Variants in FBXO28 observed in about 807,000 individuals in gnomAD.
FBXO28 encodes the protein F-box only protein 28.
In FBXO28, 8 loss-of-function variants were observed where a neutral mutation model predicts 38.1. The observed-to-expected ratio is 0.21, with a 90% confidence interval of 0.12 to 0.38. The LOEUF (loss-of-function observed/expected upper bound fraction) is 0.38. Ranked by LOEUF, FBXO28 falls within the 10% of genes least tolerant of loss-of-function variation. The pLI, the probability that FBXO28 is intolerant of heterozygous loss-of-function variation, is 1.00. For synonymous variants in FBXO28, 168 were observed against 173.8 expected (o/e 0.97, Z 0.26); for missense variants, 345 against 460.6 (o/e 0.75, Z 2.30).
At chr1:224,153,766 C>A (rs985143257) in intron 4 of FBXO28, among the ~76,000 whole-genome samples, 2 of 151,886 alleles carry the variant, frequency 1.3e-5, no homozygotes, top group African/African-American at 2.4e-5. Flanking sequence ...ACTAAAAATA[C>A]AAAAATGTGC....
At chr1:224,143,711 C>T (rs532165914) in intron 3 of FBXO28, among the ~76,000 whole-genome samples, 1 of 152,106 alleles carries the variant, frequency 6.6e-6, no homozygotes, top group South Asian at 2.1e-4. Flanking sequence ...TGGCGGGCAC[C>T]TGTAGTCCCA....
At chr1:224,128,519 A>G (rs1656958143) in intron 1 of FBXO28, among the ~76,000 whole-genome samples, 1 of 152,122 alleles carries the variant, frequency 6.6e-6, no homozygotes, top group South Asian at 2.1e-4. Flanking sequence ...TTACCAAGTG[A>G]TTTAGTGTGT....
intron 1 of FBXO28, among the ~76,000 whole-genome samples, chr1:224,129,648 T>G (rs538335749): frequency 9.0e-4 from 137 of 152,274 alleles, no homozygotes; most frequent in Non-Finnish European, 4.3e-4. Flanking sequence ...AAATGATACT[T>G]TTTTGCCTGC....
At chr1:224,116,589 G>C (rs1397562412) in intron 1 of FBXO28, among the ~76,000 whole-genome samples, 1 of 152,178 alleles carries the variant, frequency 6.6e-6, no homozygotes, top group Non-Finnish European at 1.5e-5. Context: ...CTAAATGTCA[G>C]TTGTTAGGTA....
intron 3 of FBXO28, among the ~76,000 whole-genome samples, chr1:224,135,628 AAAAAAAAG>A (rs1657161090): frequency 7.0e-6 from 1 of 142,808 alleles, no homozygotes; most frequent in African/African-American, 2.8e-5. Context: ...AAAAAAAAAA[AAAAAAAAG>A]AAAAAGAAAA....
At chr1:224,150,819 T>G (rs577084265) in intron 3 of FBXO28, among the ~76,000 whole-genome samples, 17 of 152,324 alleles carry the variant, frequency 1.1e-4, no homozygotes, top group African/African-American at 3.8e-4. Flanking sequence ...ACTGTCACAT[T>G]ACCCTCTTTT....
chr1:224,125,637 A>G (rs796691644), intron 1 of FBXO28, among the ~76,000 whole-genome samples: 7 of 143,050 alleles, frequency 4.9e-5, no homozygotes, highest in African/African-American at 1.5e-4. Context: ...AAGGATACTC[A>G]TTCTCTTTTT....
chr1:224,119,428 T>A (rs10916320), intron 1 of FBXO28, among the ~76,000 whole-genome samples: 78,269 of 151,584 alleles, frequency 0.52, 21,215 homozygotes, highest in South Asian at 0.61. Flanking sequence ...TGAGCCACCG[T>A]GCCCGGCCCC....
At chr1:224,121,035 ACATTTTACAAGAC>A (rs1656760110) in intron 1 of FBXO28, among the ~76,000 whole-genome samples, 1 of 152,098 alleles carries the variant, frequency 6.6e-6, no homozygotes, top group Non-Finnish European at 1.5e-5. Context: ...AATGTCTTTA[ACATTTTACAAGAC>A]CATTTTAAGA....
At chr1:224,127,413 T>C (rs1656933121) in intron 1 of FBXO28, among the ~76,000 whole-genome samples, 1 of 152,126 alleles carries the variant, frequency 6.6e-6, no homozygotes, top group African/African-American at 2.4e-5. Flanking sequence ...TGTGTTCTGT[T>C]AAACCACATA....
At chr1:224,131,837 G>A (rs1214264187) in intron 2 of FBXO28, among the ~76,000 whole-genome samples, 1 of 152,134 alleles carries the variant, frequency 6.6e-6, no homozygotes, top group Admixed American at 6.5e-5. Flanking sequence ...AACTTTTGTG[G>A]CTCAAAAGAC....
At chr1:224,147,189 C>G (rs566594425) in intron 3 of FBXO28, among the ~76,000 whole-genome samples, 109 of 151,704 alleles carry the variant, frequency 7.2e-4, no homozygotes, top group African/African-American at 2.6e-3. Flanking sequence ...CTTTGGCAGG[C>G]CGAGGCAGGC....
At chr1:224,139,764 G>GCATGCATGCATGCATGCATACATA (rs1386239166) in intron 3 of FBXO28, among the ~76,000 whole-genome samples, 41 of 146,046 alleles carry the variant, frequency 2.8e-4, no homozygotes, top group Admixed American at 7.7e-4. Context: ...ATGCATGCAT[G>GCATGCATGCATGCATGCATACATA]CATACATACA....
At chr1:224,120,992 A>G (rs1322913275) in intron 1 of FBXO28, among the ~76,000 whole-genome samples, 1 of 151,938 alleles carries the variant, frequency 6.6e-6, no homozygotes, top group Non-Finnish European at 1.5e-5. Context: ...GGAGATTAGA[A>G]CTTTTTTTTT....
intron 1 of FBXO28, among the ~76,000 whole-genome samples, chr1:224,117,345 T>A (rs770388706): frequency 1.9e-4 from 29 of 151,926 alleles, no homozygotes; most frequent in Non-Finnish European, 3.7e-4. Context: ...TTTTTCGTAT[T>A]TTAGTAGAGA....
At chr1:224,137,214 A>G (rs949388309) in intron 3 of FBXO28, among the ~76,000 whole-genome samples, 1 of 151,778 alleles carries the variant, frequency 6.6e-6, no homozygotes, top group Admixed American at 6.6e-5. Flanking sequence ...ATATGTACCA[A>G]AATTTTGGAC....
chr1:224,140,549 A>C (rs950259835), intron 3 of FBXO28, among the ~76,000 whole-genome samples: 12 of 152,222 alleles, frequency 7.9e-5, no homozygotes, highest in African/African-American at 2.2e-4. Flanking sequence ...CTTAAAAATC[A>C]AGATTAGTTG....
chr1:224,115,380 T>C (rs1656621558), intron 1 of FBXO28, among the ~76,000 whole-genome samples: 1 of 152,226 alleles, frequency 6.6e-6, no homozygotes, highest in African/African-American at 2.4e-5. Flanking sequence ...GTGCTGGGAA[T>C]TGTTTTTAAG....
intron 1 of FBXO28, among the ~76,000 whole-genome samples, chr1:224,122,132 C>T (rs938546866): frequency 6.6e-6 from 1 of 152,074 alleles, no homozygotes; most frequent in African/African-American, 2.4e-5. Context: ...AAGTTGTATC[C>T]ATATTTAGGT....
Sources: gnomAD v4.1 joint callset for allele counts (sites outside exome capture counted in the v4.1 genomes callset) on GRCh38, gnomAD v4.1.1 for gene constraint, MANE v1.5 for transcripts, NCBI Gene and HGNC (gene_info 2026-07-23, HGNC 2026-07-21) for gene names.